Variants in OLA1 observed in about 807,000 individuals in gnomAD.
The protein encoded by OLA1 is Obg like ATPase 1, also known as obg-like ATPase 1.
A neutral mutation model predicts 48.4 loss-of-function variants in OLA1; 14 were observed. The observed-to-expected ratio is 0.29, with a 90% CI of 0.19 to 0.45. The LOEUF is 0.45. Among genes scored for constraint, OLA1 ranks in the 20% least tolerant of loss-of-function variants. The pLI is 1.00. For missense variants in OLA1, 325 were observed against 467.1 expected (o/e 0.70, Z 2.80); for synonymous variants, 127 against 150.4 (o/e 0.84, Z 1.14).
At chr2:174,090,089 T>C (rs1685080185) in intron 7 of OLA1, among the ~76,000 whole-genome samples, 1 of 152,146 alleles carries the variant, frequency 6.6e-6, no homozygotes, top group African/African-American at 2.4e-5. Flanking sequence ...AGTTGTTCCC[T>C]ATGAGAACCT....
chr2:174,123,976 T>C (rs1574494359), intron 5 of OLA1, among the ~76,000 whole-genome samples: 10 of 152,132 alleles, frequency 6.6e-5, no homozygotes, highest in Admixed American at 6.6e-4. Context: ...ATTTCAATAT[T>C]ACCTAGTGAT....
chr2:174,229,880 G>T (rs1688691022), intron 2 of OLA1, among the ~76,000 whole-genome samples: 1 of 152,146 alleles, frequency 6.6e-6, no homozygotes, highest in African/African-American at 2.4e-5. Context: ...ACTCTGAATT[G>T]GGAAAGAGAT....
At chr2:174,237,625 G>A (rs1257916955) in intron 2 of OLA1, among the ~76,000 whole-genome samples, 3 of 152,102 alleles carry the variant, frequency 2.0e-5, no homozygotes, top group Admixed American at 6.6e-5. Context: ...GGTGGCGTGT[G>A]CCTGTAGTCA....
chr2:174,098,293 T>C (rs1346380541), intron 7 of OLA1, among the ~76,000 whole-genome samples: 1 of 152,242 alleles, frequency 6.6e-6, no homozygotes, highest in African/African-American at 2.4e-5. Flanking sequence ...TTTCAGCTGC[T>C]TCTGAAAGAC....
intron 4 of OLA1, among the ~76,000 whole-genome samples, chr2:174,203,622 T>C (rs933660979): frequency 2.0e-5 from 3 of 151,388 alleles, no homozygotes; most frequent in African/African-American, 7.3e-5. Flanking sequence ...TAGAAACAGT[T>C]CTATTCTCGG....
At chr2:174,228,973 TTC>T (rs1361498777) in intron 3 of OLA1, among the ~76,000 whole-genome samples, 2 of 152,058 alleles carry the variant, frequency 1.3e-5, no homozygotes, top group Non-Finnish European at 2.9e-5. Context: ...ACCTCCTGGG[TTC>T]AAGCAATTCT....
At position 174,073,872 on chromosome 2, in the gene OLA1, ATTTGT is replaced by A. The variant is rs1293145354; in HGVS notation, c.*1549_*1553del. ...TCAGCTATACCTGTAGCCTAGTTTT[ATTTGT>A]TTTATTTAGTTCTTTTAAAAAACCC... On this transcript the variant is annotated 3_prime_UTR_variant, in exon 11 of 11. Coordinates refer to ENST00000284719, the MANE Select transcript of OLA1 (RefSeq NM_013341.5). 6.6e-6 allele frequency: 1 copy of A among 152,116 alleles called. No individual in the cohort carries two copies. Among genetic ancestry groups the A allele is most frequent in the Admixed American group, 6.5e-5 (1 of 15,284 alleles). The allele number at this position is 152,116 out of a possible 1,614,324, so 9.4% of individuals were successfully genotyped here.
At chr2:174,225,586 A>G (rs2105452791) in intron 3 of OLA1, among the ~76,000 whole-genome samples, 1 of 152,270 alleles carries the variant, frequency 6.6e-6, no homozygotes, top group Non-Finnish European at 1.5e-5. Context: ...CCAGAAGCCA[A>G]ACAGATGCTG....
chr2:174,122,975 C>T (rs1187699426), intron 7 of OLA1, among the ~76,000 whole-genome samples: 1 of 152,032 alleles, frequency 6.6e-6, no homozygotes, highest in East Asian at 1.9e-4. Flanking sequence ...TTATTTAATT[C>T]AGTTTTTCTT....
chr2:174,149,377 T>A (rs1187950591), intron 4 of OLA1, among the ~76,000 whole-genome samples: 1 of 152,200 alleles, frequency 6.6e-6, no homozygotes, highest in Admixed American at 6.5e-5. Flanking sequence ...GTTGATGTCT[T>A]TCTTAGCTCT....
chr2:174,072,932 A>G lies in OLA1; in HGVS notation c.*2494T>C, dbSNP rs1346946435. The G allele has an allele frequency of 6.6e-6, 1 of 152,144 alleles. No individual in the cohort carries two copies. Among genetic ancestry groups the G allele is most frequent in the African/African-American group, 2.4e-5 (1 of 41,424 alleles). 9.4% of individuals were successfully genotyped at this position (152,144 alleles called of 1,614,324 possible). On this transcript the variant is annotated 3_prime_UTR_variant, in exon 11 of 11. Transcript: ENST00000284719. ...TATGAAGATAACATGATAAAACACA[A>G]CTAAATGCTATTACAATCTTTCTTC...
intron 4 of OLA1, among the ~76,000 whole-genome samples, chr2:174,187,269 C>T (rs1443475356): frequency 6.6e-6 from 1 of 152,124 alleles, no homozygotes; most frequent in South Asian, 2.1e-4. Flanking sequence ...CTATATTGCT[C>T]GAGAAAAATC....
intron 4 of OLA1, among the ~76,000 whole-genome samples, chr2:174,165,173 G>A (rs1481009373): frequency 6.6e-6 from 1 of 152,124 alleles, no homozygotes; most frequent in African/African-American, 2.4e-5. Context: ...GAATTCTACT[G>A]TAACTGAAAG....
At chr2:174,177,798 T>G (rs950875177) in intron 4 of OLA1, among the ~76,000 whole-genome samples, 1 of 152,186 alleles carries the variant, frequency 6.6e-6, no homozygotes, top group South Asian at 2.1e-4. Context: ...TTTCTTAAAG[T>G]TTTTCCAGAC....
At chr2:174,114,341 C>CAAAAAAAAAAAAAAAA (rs76471043) in intron 7 of OLA1, among the ~76,000 whole-genome samples, 2 of 60,648 alleles carry the variant, frequency 3.3e-5, no homozygotes, top group Admixed American at 2.5e-4. Context: ...GACTCCGCCT[C>CAAAAAAAAAAAAAAAA]AAAAAAAAAA....
intron 5 of OLA1, among the ~76,000 whole-genome samples, chr2:174,141,240 G>A (rs1032903580): frequency 3.9e-5 from 6 of 152,072 alleles, no homozygotes; most frequent in African/African-American, 1.2e-4. Context: ...CCAGGGCACC[G>A]TTTCTTAAAT....
chr2:174,246,738 A>C lies in OLA1; in HGVS notation c.78T>G (p.Gly26=). Residue 26 remains glycine, a synonymous_variant, in exon 2 of 11, where the codon GGT becomes GGG. Coordinates refer to ENST00000284719, the MANE Select transcript of OLA1 (RefSeq NM_013341.5). ...ACCCAACATTTGGCAATCCAACAAT[A>C]CCAATTTTCAGTGAGGTTCCAAATC... ...IGRFGTSLKI[G]IVGLPNVGKS... is the part of the protein sequence containing the mutation. 1.2e-6 allele frequency: 2 copies of C among 1,611,008 alleles called. No homozygotes were observed. The highest frequency in any genetic ancestry group is 1.7e-6 in the Non-Finnish European group (2 of 1,177,898).
intron 4 of OLA1, among the ~76,000 whole-genome samples, chr2:174,157,014 TA>T (rs57431404): frequency 0.13 from 16,398 of 124,830 alleles, 2,029 homozygotes; most frequent in East Asian, 0.71. Context: ...TGGTCAAATC[TA>T]AAAAAAAAAA....
intron 4 of OLA1, among the ~76,000 whole-genome samples, chr2:174,187,916 T>G (rs944449559): frequency 3.9e-5 from 6 of 152,180 alleles, no homozygotes; most frequent in Non-Finnish European, 8.8e-5. Context: ...AGGTGGTGAC[T>G]GTGAAGGATT....
Sources: gnomAD v4.1 joint callset for allele counts (sites outside exome capture counted in the v4.1 genomes callset) on GRCh38, gnomAD v4.1.1 for gene constraint, MANE v1.5 for transcripts, NCBI Gene and HGNC (gene_info 2026-07-23, HGNC 2026-07-21) for gene names.